The following MCCC1 variants were observed in gnomAD, a reference collection of about 807,000 sequenced individuals.
MCCC1 encodes the protein methylcrotonyl-CoA carboxylase subunit 1.
Under a neutral mutation model 83.8 loss-of-function variants are expected in MCCC1, and 64 were observed. That is an observed-to-expected ratio of 0.76 (90% CI 0.62 to 0.94). The LOEUF (loss-of-function observed/expected upper bound fraction) is 0.94, where lower values mean the gene tolerates loss of function less well. Among genes scored for constraint, MCCC1 ranks in the 40% least tolerant of loss-of-function variants. MCCC1 has a pLI of 0.00. For synonymous variants in MCCC1, 322 were observed against 315.4 expected, an observed-to-expected ratio of 1.02 and a Z score of -0.22; for missense variants, 807 against 904.7, an observed-to-expected ratio of 0.89 and a Z score of 1.39.
chr3:183,094,545 A>G lies in MCCC1; in HGVS notation c.136+14T>C. On this transcript the variant is annotated intron_variant, in intron 2 of 18. Transcript: ENST00000265594. ...TGAAGCAAAATCAAATAGAACAACA[A>G]AGTCTGTCAGTACCTGTGGCTGTTG... is the stretch of plus-strand genomic sequence containing the variant. 1 of 1,613,876 alleles carries G rather than the reference A, an allele frequency of 6.2e-7. No homozygotes were observed. Among genetic ancestry groups the G allele is most frequent in the Admixed American group, 1.7e-5 (1 of 60,026 alleles).
At chr3:183,075,545 CT>C (rs35554340) in intron 4 of MCCC1, among the ~76,000 whole-genome samples, 42,541 of 116,992 alleles carry the variant, frequency 0.36, 7,654 homozygotes, top group East Asian at 0.67. Context: ...CCTTTGCCCA[CT>C]TTTTTTTTTT....
chr3:183,021,372 C>A (rs906287377), intron 16 of MCCC1, among the ~76,000 whole-genome samples: 1 of 152,148 alleles, frequency 6.6e-6, no homozygotes, highest in Non-Finnish European at 1.5e-5. Context: ...TACAGGCACA[C>A]ACCACCATGC....
intron 1 of MCCC1, chr3:183,098,924 G>A (rs948231838): frequency 4.0e-6 from 1 of 252,232 alleles, no homozygotes. Context: ...AGGGCATCCC[G>A]GCCCCATTTC....
chr3:183,054,500 T>G (rs1180854593), intron 8 of MCCC1, among the ~76,000 whole-genome samples: 4 of 152,218 alleles, frequency 2.6e-5, no homozygotes, highest in Non-Finnish European at 5.9e-5. Flanking sequence ...AAAAAATATT[T>G]TTGTATGTCT....
intron 12 of MCCC1, 44 bp from the exon 13 acceptor site, chr3:183,037,478 C>CA: frequency 6.9e-7 from 1 of 1,458,440 alleles, no homozygotes; most frequent in Non-Finnish European, 9.6e-7. Flanking sequence ...GTGGGGAAAA[C>CA]AATATGTTCA....
At chr3:183,060,288 A>T (rs112616328) in intron 7 of MCCC1, among the ~76,000 whole-genome samples, 13 of 152,210 alleles carry the variant, frequency 8.5e-5, no homozygotes, top group African/African-American at 3.1e-4. Context: ...TAGTTGTACG[A>T]AATCTTTGTG....
At position 183,029,915 on chromosome 3, in the gene MCCC1, T is replaced by C. The variant is rs553789035; in HGVS notation, c.1681+4076A>G. On this transcript the variant is annotated intron_variant, in intron 14 of 18. Transcript: ENST00000265594. ...GATGTTCCGACCCCATTCCAAATAC[T>C]TGGCCTGATATTGGAGGCCCCACCC... Among the ~76,000 whole-genome samples the C allele has an allele frequency of 6.6e-5, 10 of 152,246 alleles. No homozygotes were observed. The South Asian group carries it at 2.1e-3, about 32-fold the overall frequency.
At chr3:183,115,060 C>T (rs576978779) in intron 1 of MCCC1, among the ~76,000 whole-genome samples, 1 of 152,240 alleles carries the variant, frequency 6.6e-6, no homozygotes, top group East Asian at 1.9e-4. Flanking sequence ...GGACCTCTCT[C>T]CTACCAACTG....
chr3:183,065,118 C>T (rs1054918386), intron 7 of MCCC1, among the ~76,000 whole-genome samples: 1 of 152,010 alleles, frequency 6.6e-6, no homozygotes, highest in Non-Finnish European at 1.5e-5. Context: ...GAGATGGATA[C>T]CTTAGGATAA....
In MCCC1 at chr3:183,045,406, T is replaced by C; in HGVS notation, c.1083+7A>G. 1 of 1,613,816 alleles carries C rather than the reference T, an allele frequency of 6.2e-7. No homozygotes were observed. Among genetic ancestry groups the C allele is most frequent in the Middle Eastern group, 1.6e-4 (1 of 6,062 alleles). ...AGGCTGATTTTTAATAGAAAAAATA[T>C]TCTCACTCTAAGCTGCCACTCCACC... is the stretch of plus-strand genomic sequence containing the variant. On this transcript the variant is annotated splice_region_variant and intron_variant, in intron 10 of 18. Transcript: ENST00000265594.
chr3:183,068,107 C>G (rs1716389324), intron 7 of MCCC1, among the ~76,000 whole-genome samples: 1 of 152,112 alleles, frequency 6.6e-6, no homozygotes, highest in South Asian at 2.1e-4. Context: ...ATTAAGCGTG[C>G]TCTTACAAAA....
At chr3:183,022,247 A>G (rs1712218984) in intron 16 of MCCC1, among the ~76,000 whole-genome samples, 170 bp downstream of exon 16, 1 of 152,222 alleles carries the variant, frequency 6.6e-6, no homozygotes, top group Non-Finnish European at 1.5e-5. Flanking sequence ...GAAACTACAG[A>G]GGGCAGGAAT....
chr3:183,099,032 C>T (rs1718947941), intron 1 of MCCC1: 1 of 517,426 alleles, frequency 1.9e-6, no homozygotes, highest in Admixed American at 3.2e-5. Context: ...CTGCGAAAGC[C>T]CGATGTAAAC....
In MCCC1 at chr3:183,041,570, GCCGTACT is replaced by G. The variant is rs1560224024; in HGVS notation, c.1257_1263del (p.Val420LysfsTer12). 6 of 1,613,956 alleles carry G rather than the reference GCCGTACT, an allele frequency of 3.7e-6. No homozygotes were observed. The highest frequency in any genetic ancestry group is 1.3e-5 in the African/African-American group (1 of 75,016). ...TTTTCATTTTCTTTCACTTTACCTT[GCCGTACT>G]CCAGTTTCAATCCTGGTGGAAGGGT... On this transcript the variant is annotated frameshift_variant, in exon 11 of 19. Transcript: ENST00000265594. LOFTEE classifies it high-confidence loss of function.
In MCCC1 at chr3:183,092,377, G is replaced by GT. The variant is rs755472967; in HGVS notation, c.273+31dup. On this transcript the variant is annotated intron_variant, in intron 3 of 18. Coordinates refer to ENST00000265594, the MANE Select transcript of MCCC1 (RefSeq NM_020166.5). ...ATACTGACACAGTAAACGAATAAAC[G>GT]TAAGACGTGGCTTCCAATTTTTAAC... is the stretch of plus-strand genomic sequence containing the variant. The GT allele has an allele frequency of 6.8e-6, 11 of 1,613,540 alleles. No homozygotes were observed. In the African/African-American group the frequency reaches 8.0e-5, roughly 12 times the overall value.
At chr3:183,112,271 G>A (rs141343266) in intron 1 of MCCC1, among the ~76,000 whole-genome samples, 1 of 152,240 alleles carries the variant, frequency 6.6e-6, no homozygotes, top group East Asian at 1.9e-4. Context: ...CTAAAAATGA[G>A]GGAAATTTAT....
chr3:183,083,220 T>C (rs1397891989), intron 4 of MCCC1, among the ~76,000 whole-genome samples: 2 of 152,232 alleles, frequency 1.3e-5, no homozygotes, highest in African/African-American at 4.8e-5. Flanking sequence ...ATAAGTTTCT[T>C]CTTTAAAGTC....
At chr3:183,083,029 T>C (rs1717628052) in intron 4 of MCCC1, among the ~76,000 whole-genome samples, 1 of 152,112 alleles carries the variant, frequency 6.6e-6, no homozygotes, top group Non-Finnish European at 1.5e-5. Context: ...TACATCTTCT[T>C]GAGTTTCTCA....
At chr3:183,102,316 T>C (rs113983029), upstream of MCCC1, among the ~76,000 whole-genome samples, 13 of 152,222 alleles carry the variant, frequency 8.5e-5, no homozygotes, top group Admixed American at 2.6e-4. Context: ...TGAGCTCTTA[T>C]CATGCCACTA....
Sources: gnomAD v4.1 joint callset for allele counts (sites outside exome capture counted in the v4.1 genomes callset) on GRCh38, gnomAD v4.1.1 for gene constraint, MANE v1.5 for transcripts, NCBI Gene and HGNC (gene_info 2026-07-23, HGNC 2026-07-21) for gene names.